Variants in ACBD3 observed in about 807,000 individuals in gnomAD.
The protein encoded by ACBD3 is acyl-CoA binding domain containing 3.
A neutral mutation model predicts 66.9 loss-of-function variants in ACBD3; 30 were observed. The ratio of observed to expected loss-of-function variants is 0.45; its 90% confidence interval spans 0.34 to 0.61. ACBD3 has a LOEUF of 0.61. Ranked by LOEUF, ACBD3 falls within the 20% of genes least tolerant of loss-of-function variation. ACBD3 has a pLI of 0.02. For synonymous variants in ACBD3, 278 were observed against 259.8 expected (o/e 1.07, Z -0.68); for missense variants, 544 against 664.5 (o/e 0.82, Z 1.99).
At chr1:226,164,508 C>A (rs1368981191) in intron 3 of ACBD3, among the ~76,000 whole-genome samples, 1 of 152,086 alleles carries the variant, frequency 6.6e-6, no homozygotes, top group African/African-American at 2.4e-5. Flanking sequence ...TATGGTGGGG[C>A]TTATTCAGAA....
intron 1 of ACBD3, among the ~76,000 whole-genome samples, chr1:226,171,712 A>G (rs1372816537): frequency 1.4e-5 from 2 of 141,776 alleles, no homozygotes; most frequent in East Asian, 2.3e-4. Flanking sequence ...TAATTTTTGT[A>G]TTTTTCACAG....
intron 7 of ACBD3, among the ~76,000 whole-genome samples, chr1:226,149,002 T>C (rs1053267469): frequency 3.9e-5 from 6 of 152,174 alleles, no homozygotes; most frequent in Non-Finnish European, 8.8e-5. Context: ...TTGAGGGACA[T>C]ATTAGAACTA....
Position 226,164,782 on chromosome 1 carries a change from AC to A in ACBD3, c.569+6del. ...GCAATAAAGTATTCCATGCCCTCAAACTTCACCTTTTTTTTTCTTGCTCTTC... is the reference window on the plus strand; with the variant it reads ...GCAATAAAGTATTCCATGCCCTCAAATTCACCTTTTTTTTTCTTGCTCTTC... On this transcript the variant is annotated splice_donor_region_variant and intron_variant, in intron 3 of 7. Coordinates refer to ENST00000366812, the MANE Select transcript of ACBD3 (RefSeq NM_022735.4). 6.2e-7 allele frequency: 1 copy of A among 1,607,340 alleles called. No homozygotes were observed. The highest frequency in any genetic ancestry group is 1.1e-5 in the South Asian group (1 of 89,028).
At chr1:226,168,873 A>G (rs547826619) in intron 1 of ACBD3, among the ~76,000 whole-genome samples, 1 of 152,134 alleles carries the variant, frequency 6.6e-6, no homozygotes, top group Admixed American at 6.5e-5. Flanking sequence ...CTCACTTTTT[A>G]TTTGAGACGG....
chr1:226,169,550 G>A (rs1038327785), intron 1 of ACBD3, among the ~76,000 whole-genome samples: 12 of 117,226 alleles, frequency 1.0e-4, no homozygotes, highest in African/African-American at 4.0e-4. Context: ...CGCCTGGACT[G>A]CCTGGCTATT....
At chr1:226,181,760 A>G (rs1208812964) in intron 1 of ACBD3, among the ~76,000 whole-genome samples, 3 of 152,236 alleles carry the variant, frequency 2.0e-5, no homozygotes, top group Non-Finnish European at 4.4e-5. Flanking sequence ...TAATACAGTA[A>G]TAAAGTATTA....
chr1:226,165,852 C>T lies in ACBD3; in HGVS notation c.428+7G>A. On this transcript the variant is annotated splice_region_variant and intron_variant, in intron 2 of 7. Coordinates refer to ENST00000366812, the MANE Select transcript of ACBD3 (RefSeq NM_022735.4). ...ATTAAATTCACTATACAGAAAAACA[C>T]TGTTACCTCCTGTCATTCCCCAACA... The T allele has an allele frequency of 6.2e-7, 1 of 1,601,714 alleles. No homozygotes were observed. The highest frequency in any genetic ancestry group is 8.5e-7 in the Non-Finnish European group (1 of 1,176,870).
At chr1:226,154,605 T>G (rs1269002199) in intron 6 of ACBD3, 42 bp downstream of exon 6, 1 of 1,559,788 alleles carries the variant, frequency 6.4e-7, no homozygotes, top group Admixed American at 1.9e-5. Flanking sequence ...TTTCACAGAT[T>G]TGGAATTATG....
At chr1:226,161,398 T>C in intron 4 of ACBD3, 133 bp downstream of exon 4, 1 of 1,234,436 alleles carries the variant, frequency 8.1e-7, no homozygotes, top group Non-Finnish European at 1.1e-6. Context: ...CCTCAGGTGA[T>C]CTGCCCGCCT....
intron 6 of ACBD3, among the ~76,000 whole-genome samples, chr1:226,153,198 A>G (rs1249948421): frequency 1.3e-5 from 2 of 152,224 alleles, no homozygotes; most frequent in Non-Finnish European, 2.9e-5. Context: ...TGACTATGCA[A>G]TAAGTTTTTC....
At chr1:226,152,129 A>G (rs188118809) in intron 7 of ACBD3, among the ~76,000 whole-genome samples, 1 of 152,216 alleles carries the variant, frequency 6.6e-6, no homozygotes. Flanking sequence ...TTTTCCTGGC[A>G]TTCAGAAAAA....
chr1:226,156,600 A>AC (rs1659676391), intron 5 of ACBD3, among the ~76,000 whole-genome samples: 1 of 152,218 alleles, frequency 6.6e-6, no homozygotes, highest in African/African-American at 2.4e-5. Context: ...ATCTCTACAC[A>AC]CATTTCATTG....
intron 2 of ACBD3, 71 bp from the exon 3 acceptor site, chr1:226,165,000 T>C (rs1208325427): frequency 7.8e-6 from 11 of 1,402,420 alleles, no homozygotes; most frequent in Non-Finnish European, 1.0e-5. Flanking sequence ...TAAACCTAAA[T>C]ATGAATAATT....
At chr1:226,181,673 T>G (rs1250489753) in intron 1 of ACBD3, among the ~76,000 whole-genome samples, 2 of 152,172 alleles carry the variant, frequency 1.3e-5, no homozygotes, top group Non-Finnish European at 2.9e-5. Flanking sequence ...TGAGATTTAG[T>G]AAACATCTAC....
chr1:226,159,193 T>G lies in ACBD3; in HGVS notation c.894A>C (p.Ala298=). 6.2e-7 allele frequency: 1 copy of G among 1,614,178 alleles called. No individual in the cohort carries two copies. The part of the protein sequence containing the change: ...YMQQLYQVQL[A]QQQAALQKQQ... ...GGGTTGTCTATCGTACCTGTTGCTG[T>G]GCAAGCTGGACTTGATACAACTGCT... is the stretch of plus-strand genomic sequence containing the variant. The change falls in exon 5 of 8, where the codon GCA becomes GCC. Residue 298 remains alanine (A), a synonymous_variant. Coordinates refer to ENST00000366812, the MANE Select transcript of ACBD3 (RefSeq NM_022735.4).
rs1656313841 is a variant in ACBD3 at position 226,186,467 on chromosome 1, TCCGCCGCGCCCCCAG to T, written c.194_208del (p.Ala65_Ala69del). The T allele has an allele frequency of 2.0e-6, 3 of 1,499,684 alleles. No homozygotes were observed. The highest frequency in any genetic ancestry group is 2.2e-5 in the Admixed American group (1 of 45,038). 92.9% of individuals were successfully genotyped at this position (1,499,684 alleles called of 1,614,324 possible). A position where few individuals can be genotyped will look rare whatever the true frequency, so the allele number is the denominator to read the frequency against. ...GCGCTGCTCCAGCCGCCGCGCCTCC[TCCGCCGCGCCCCCAG>T]CCGCCGCCTCCCCGGGCTCGGGCTG... On this transcript the variant is annotated inframe_deletion, in exon 1 of 8. Coordinates refer to ENST00000366812, the MANE Select transcript of ACBD3 (RefSeq NM_022735.4).
intron 1 of ACBD3, among the ~76,000 whole-genome samples, chr1:226,177,341 G>A (rs1322596426): frequency 6.7e-6 from 1 of 149,492 alleles, no homozygotes; most frequent in East Asian, 2.0e-4. Flanking sequence ...GGGACTACAG[G>A]TGGCCACCAC....
chr1:226,149,519 G>A (rs989168827), intron 7 of ACBD3, among the ~76,000 whole-genome samples: 2 of 102,906 alleles, frequency 1.9e-5, no homozygotes, highest in African/African-American at 3.8e-5. Flanking sequence ...CAGCCACTGC[G>A]CCCAGCCATC....
At chr1:226,153,319 C>G (rs1032720929) in intron 6 of ACBD3, among the ~76,000 whole-genome samples, 9 of 152,158 alleles carry the variant, frequency 5.9e-5, no homozygotes, top group Non-Finnish European at 1.0e-4. Context: ...GATTTCAAAG[C>G]CTTTTCTGAA....
Sources: gnomAD v4.1 joint callset for allele counts (sites outside exome capture counted in the v4.1 genomes callset) on GRCh38, gnomAD v4.1.1 for gene constraint, MANE v1.5 for transcripts, NCBI Gene and HGNC (gene_info 2026-07-23, HGNC 2026-07-21) for gene names.